The following LIPC variants were observed in gnomAD, a reference collection of about 807,000 sequenced individuals.
LIPC encodes the protein hepatic triacylglycerol lipase.
LIPC carries 44 observed loss-of-function variants against 50.7 expected under a neutral mutation model. The ratio of observed to expected loss-of-function variants is 0.87; its 90% confidence interval spans 0.68 to 1.11. The LOEUF (loss-of-function observed/expected upper bound fraction) is 1.11, where lower values mean the gene tolerates loss of function less well. LIPC is among the 50% of genes most tolerant of loss of function. LIPC has a pLI of 0.00. For synonymous variants in LIPC, 271 were observed against 256.4 expected, an observed-to-expected ratio of 1.06 and a Z score of -0.54; for missense variants, 697 against 648.2, an observed-to-expected ratio of 1.08 and a Z score of -0.82.
chr15:58,472,270 CAAAAAAAA>C (rs35901617), intron 1 of LIPC, among the ~76,000 whole-genome samples: 22 of 87,636 alleles, frequency 2.5e-4, no homozygotes, highest in Admixed American at 3.9e-4. Flanking sequence ...CATTTGGTCT[CAAAAAAAA>C]AAAAAAAAAA....
At chr15:58,514,336 A>C (rs1892421810) in intron 1 of LIPC, among the ~76,000 whole-genome samples, 2 of 152,236 alleles carry the variant, frequency 1.3e-5, no homozygotes, top group Non-Finnish European at 2.9e-5. Context: ...AAGCATTAGC[A>C]GTACCAGTAG....
intron 1 of LIPC, among the ~76,000 whole-genome samples, chr15:58,484,421 T>A (rs1158550268): frequency 6.6e-6 from 1 of 152,222 alleles, no homozygotes; most frequent in African/African-American, 2.4e-5. Context: ...GTATCCAGGA[T>A]ATGAGCAAAA....
intron 6 of LIPC, among the ~76,000 whole-genome samples, chr15:58,553,245 G>GCA (rs1229490558): frequency 6.6e-6 from 1 of 152,074 alleles, no homozygotes; most frequent in East Asian, 1.9e-4. Context: ...AGTCCTGGCC[G>GCA]CACACACACA....
rs1973023 is a variant in LIPC, at chr15:58,546,229, T to C, written c.808+254T>C. On this transcript the variant is annotated intron_variant, in intron 5 of 8. Coordinates refer to ENST00000299022, the MANE Select transcript of LIPC (RefSeq NM_000236.3). ...TGAACAGAGGGCACCAACAGGAACC[T>C]CCACTTCTCACTCCAGCCCCATGTG... 0.75 allele frequency among the ~76,000 whole-genome samples: 113,816 copies of C among 152,156 alleles called. 43,237 individuals carry two copies. Among genetic ancestry groups the C allele is most frequent in the Middle Eastern group, 0.83 (244 of 294 alleles).
At chr15:58,481,858 T>C (rs1451745115) in intron 1 of LIPC, among the ~76,000 whole-genome samples, 1 of 152,148 alleles carries the variant, frequency 6.6e-6, no homozygotes, top group African/African-American at 2.4e-5. Flanking sequence ...TTCTCCAAGA[T>C]ATAAGTGAAA....
chr15:58,548,880 C>G (rs1893643540), intron 6 of LIPC, among the ~76,000 whole-genome samples: 1 of 152,214 alleles, frequency 6.6e-6, no homozygotes, highest in South Asian at 2.1e-4. Context: ...CGCAGTTTAC[C>G]TGGGCCACCC....
intron 1 of LIPC, among the ~76,000 whole-genome samples, chr15:58,443,356 TC>T (rs1386278809): frequency 3.3e-5 from 5 of 152,104 alleles, no homozygotes; most frequent in Non-Finnish European, 5.9e-5. Flanking sequence ...GGGAAAAACC[TC>T]TGGATGAAGC....
chr15:58,563,752 G>A lies in LIPC; in HGVS notation c.1388+29G>A, dbSNP rs776691460. 32 of 1,577,604 alleles carry A rather than the reference G, an allele frequency of 2.0e-5. 1 individual carries two copies. The highest frequency in any genetic ancestry group is 1.6e-4 in the South Asian group (14 of 89,344). On this transcript the variant is annotated intron_variant, in intron 8 of 8. Transcript: ENST00000299022. ...ACTGCTGATTCAATCTCCTATTAAC[G>A]TCCATTAAGCACCCACTTGTGCCAG...
intron 1 of LIPC, among the ~76,000 whole-genome samples, chr15:58,491,493 G>C (rs1192800888): frequency 6.6e-6 from 1 of 152,158 alleles, no homozygotes; most frequent in African/African-American, 2.4e-5. Context: ...AACAATAAGA[G>C]GTGCTAAAGT....
chr15:58,568,401 A>C (rs1322317115), intron 8 of LIPC, among the ~76,000 whole-genome samples: 1 of 152,220 alleles, frequency 6.6e-6, no homozygotes, highest in African/African-American at 2.4e-5. Context: ...GTGGTCAAGG[A>C]AACAATAGTC....
At chr15:58,444,876 A>G (rs1158797129) in intron 1 of LIPC, among the ~76,000 whole-genome samples, 1 of 152,246 alleles carries the variant, frequency 6.6e-6, no homozygotes, top group Non-Finnish European at 1.5e-5. Flanking sequence ...GGCACTGGGC[A>G]TACAGTGGAA....
intron 1 of LIPC, among the ~76,000 whole-genome samples, chr15:58,444,773 C>T (rs1465882183): frequency 6.6e-6 from 1 of 152,184 alleles, no homozygotes; most frequent in Non-Finnish European, 1.5e-5. Flanking sequence ...AGGGTTAGAA[C>T]TTCAATGTAT....
intron 1 of LIPC, among the ~76,000 whole-genome samples, chr15:58,448,816 G>T (rs551302743): frequency 1.3e-5 from 2 of 152,380 alleles, no homozygotes; most frequent in Non-Finnish European, 2.9e-5. Flanking sequence ...ATACTCAGCA[G>T]AGTGGCAAGT....
intron 1 of LIPC, among the ~76,000 whole-genome samples, chr15:58,499,365 G>A (rs2140833220): frequency 6.6e-6 from 1 of 152,292 alleles, no homozygotes; most frequent in South Asian, 2.1e-4. Flanking sequence ...AGACTCCTGG[G>A]TTACAAGTCT....
chr15:58,432,456 G>C (rs1186074320), intron 1 of LIPC: 3 of 334,340 alleles, frequency 9.0e-6, no homozygotes, highest in Admixed American at 4.2e-5. Flanking sequence ...AGTTAATGTG[G>C]CATCTAATTT....
rs542129290 is a variant in LIPC at position 58,544,467 on chromosome 15, C to T, written c.575-1275C>T. ...CTACAGGGCAGTGGCATGATCTTGG[C>T]TCACTGCAGCCTCCACCTCCCTGGT... On this transcript the variant is annotated intron_variant, in intron 4 of 8. Coordinates refer to ENST00000299022, the MANE Select transcript of LIPC (RefSeq NM_000236.3). 7.4e-5 allele frequency among the ~76,000 whole-genome samples: 10 copies of T among 134,512 alleles called. No homozygotes were observed. The Admixed American group carries it at 8.9e-4, about 12-fold the overall frequency. The allele number at this position is 134,512 out of a possible 152,430, so 88.2% of individuals were successfully genotyped here. A position where few individuals can be genotyped will look rare whatever the true frequency, so the allele number is the denominator to read the frequency against.
intron 1 of LIPC, among the ~76,000 whole-genome samples, chr15:58,489,545 G>C (rs1321333952): frequency 6.6e-6 from 1 of 152,138 alleles, no homozygotes; most frequent in Non-Finnish European, 1.5e-5. Context: ...GCCTCTGGGT[G>C]GGGGCCCCAA....
At chr15:58,532,523 C>A (rs1436567905) in intron 1 of LIPC, among the ~76,000 whole-genome samples, 12 of 152,248 alleles carry the variant, frequency 7.9e-5, no homozygotes, top group African/African-American at 1.2e-4. Flanking sequence ...AAAAGCCCCC[C>A]TACACACACA....
At chr15:58,538,834 G>C (rs1345889920) in intron 2 of LIPC, among the ~76,000 whole-genome samples, 1 of 152,192 alleles carries the variant, frequency 6.6e-6, no homozygotes, top group Non-Finnish European at 1.5e-5. Flanking sequence ...TCCTGAATCT[G>C]CATGTTACAC....
Sources: allele counts gnomAD v4.1 joint callset (sites outside exome capture counted in the v4.1 genomes callset), GRCh38; gene constraint gnomAD v4.1.1; transcripts MANE v1.5; gene names NCBI Gene and HGNC (gene_info 2026-07-23, HGNC 2026-07-21).